TMEM132C: variants seen among roughly 807,000 people sequenced by gnomAD.
TMEM132C encodes the protein protein phosphatase 1, regulatory subunit 152.
In TMEM132C, 29 loss-of-function variants were observed where a neutral mutation model predicts 61.4. That is an observed-to-expected ratio of 0.47 (90% CI 0.35 to 0.64). The LOEUF (loss-of-function observed/expected upper bound fraction) is 0.64. Among genes scored for constraint, TMEM132C ranks in the 30% least tolerant of loss-of-function variants. The pLI is 0.00. For missense variants in TMEM132C, 1,408 were observed against 1,476.9 expected (o/e 0.95, Z 0.76); for synonymous variants, 656 against 633.1 (o/e 1.04, Z -0.54).
At position 128,441,838 on chromosome 12, in the gene TMEM132C, C is replaced by CA. The variant is rs1028033826; in HGVS notation, c.974+26226dup. ...GCGAAACACATGTCTACTAAAAATA[C>CA]AAAAAAAATAAAAATTAGCCAGGTG... On this transcript the variant is annotated intron_variant, in intron 2 of 8. Transcript: ENST00000435159. 1.4e-4 allele frequency among the ~76,000 whole-genome samples: 22 copies of CA among 151,732 alleles called. No homozygotes were observed. The East Asian group carries it at 1.9e-3, about 13-fold the overall frequency.
intron 1 of TMEM132C, among the ~76,000 whole-genome samples, chr12:128,332,510 A>G (rs1482110081): frequency 2.6e-5 from 4 of 152,236 alleles, no homozygotes; most frequent in African/African-American, 9.6e-5. Flanking sequence ...GTGATAGACC[A>G]TATAATTCTC....
chr12:128,427,628 T>C (rs1258594867), intron 2 of TMEM132C, among the ~76,000 whole-genome samples: 1 of 152,216 alleles, frequency 6.6e-6, no homozygotes, highest in East Asian at 1.9e-4. Context: ...AAGCTCTCGA[T>C]ACTCCATCCA....
At chr12:128,519,554 T>G (rs2136126320) in intron 2 of TMEM132C, among the ~76,000 whole-genome samples, 1 of 152,314 alleles carries the variant, frequency 6.6e-6, no homozygotes, top group South Asian at 2.1e-4. Context: ...TCCTTTAAGG[T>G]CAAGGAAATT....
rs1361863466 is a variant in TMEM132C, at chr12:128,669,445, T to C, written c.1334T>C (p.Leu445Pro). Residue 445 changes from leucine to proline, a missense_variant, in exon 5 of 9, where the codon CTC (leucine) becomes CCC (proline). By Grantham distance (98) the Leu-to-Pro change is moderately conservative. Transcript: ENST00000435159. ...MDTEILNTAVLTGKTVAMPIK... is the reference protein window; with the variant it reads ...MDTEILNTAVPTGKTVAMPIK... ...ACTGAAATTCTGAACACCGCCGTACTCACAGGAAAGACAGTTGCCATGCCT... is the reference window on the plus strand; with the variant it reads ...ACTGAAATTCTGAACACCGCCGTACCCACAGGAAAGACAGTTGCCATGCCT... The C allele has an allele frequency of 6.4e-7, 1 of 1,551,530 alleles. No homozygotes were observed. Among genetic ancestry groups the C allele is most frequent in the African/African-American group, 1.4e-5 (1 of 73,036 alleles).
At chr12:128,513,577 G>A (rs1020839540) in intron 2 of TMEM132C, among the ~76,000 whole-genome samples, 6 of 152,102 alleles carry the variant, frequency 3.9e-5, no homozygotes, top group East Asian at 3.9e-4. Context: ...TGAGATGTGC[G>A]TGAGAGGGAA....
intron 5 of TMEM132C, among the ~76,000 whole-genome samples, chr12:128,691,191 G>C (rs902473221): frequency 2.6e-5 from 4 of 152,226 alleles, no homozygotes; most frequent in Admixed American, 2.6e-4. Context: ...CATTTCTCCA[G>C]CAAGAATTAG....
intron 2 of TMEM132C, among the ~76,000 whole-genome samples, chr12:128,458,356 A>G (rs1041180966): frequency 5.3e-5 from 8 of 150,416 alleles, no homozygotes; most frequent in Non-Finnish European, 1.0e-4. Flanking sequence ...AAACACTGCT[A>G]TAACAGAAAC....
intron 2 of TMEM132C, among the ~76,000 whole-genome samples, chr12:128,530,448 CT>C (rs398056093): frequency 2.9e-3 from 418 of 144,228 alleles, no homozygotes; most frequent in Non-Finnish European, 2.8e-3. Flanking sequence ...ACTTCTTTTT[CT>C]TTTTTTTTTT....
intron 3 of TMEM132C, among the ~76,000 whole-genome samples, chr12:128,586,356 ATAGG>A (rs1875549561): frequency 7.3e-6 from 1 of 136,068 alleles, no homozygotes; most frequent in Non-Finnish European, 1.6e-5. Flanking sequence ...GACTTATAGT[ATAGG>A]CATCTATTAA....
Position 128,524,012 on chromosome 12 carries a change from CAAAAAA to C in TMEM132C, c.975-19925_975-19920del, listed in dbSNP as rs55999607. Among the ~76,000 whole-genome samples the C allele has an allele frequency of 2.2e-3, 297 of 135,166 alleles. 1 individual carries two copies. Among genetic ancestry groups the C allele is most frequent in the Admixed American group, 2.2e-3 (30 of 13,812 alleles). The allele number at this position is 135,166 out of a possible 152,430, so 88.7% of individuals were successfully genotyped here. A position where few individuals can be genotyped will look rare whatever the true frequency, so the allele number is the denominator to read the frequency against. ...TGGGCAACAGAGCAAGACGCCATCT[CAAAAAA>C]AAAAAAAAAAAAAAAAAAAGCTTGA... On this transcript the variant is annotated intron_variant, in intron 2 of 8. Coordinates refer to ENST00000435159, the MANE Select transcript of TMEM132C (RefSeq NM_001136103.3).
At chr12:128,416,546 C>T (rs1281177898) in intron 2 of TMEM132C, among the ~76,000 whole-genome samples, 1 of 152,186 alleles carries the variant, frequency 6.6e-6, no homozygotes, top group Non-Finnish European at 1.5e-5. Context: ...CAGCCCTAAT[C>T]ACATTTTGAA....
At chr12:128,533,190 G>A (rs1873382615) in intron 2 of TMEM132C, among the ~76,000 whole-genome samples, 1 of 152,154 alleles carries the variant, frequency 6.6e-6, no homozygotes, top group African/African-American at 2.4e-5. Flanking sequence ...CAATGCCCAG[G>A]GTAGAGAACA....
chr12:128,567,763 C>T (rs1244160874), intron 3 of TMEM132C, among the ~76,000 whole-genome samples: 2 of 152,184 alleles, frequency 1.3e-5, no homozygotes, highest in Admixed American at 6.5e-5. Flanking sequence ...TCGAGTCCAG[C>T]AGGGCAGAAA....
intron 2 of TMEM132C, among the ~76,000 whole-genome samples, chr12:128,474,244 AGATGCTGCT>A (rs1163562559): frequency 6.6e-6 from 1 of 152,192 alleles, no homozygotes; most frequent in Non-Finnish European, 1.5e-5. Flanking sequence ...CTGGTGATGC[AGATGCTGCT>A]GGTCCAGAGA....
chr12:128,604,443 AG>A (rs199829251), intron 3 of TMEM132C, among the ~76,000 whole-genome samples: 2 of 150,224 alleles, frequency 1.3e-5, no homozygotes, highest in African/African-American at 2.5e-5. Context: ...ATAGATAGAT[AG>A]ATAGATAATA....
intron 3 of TMEM132C, among the ~76,000 whole-genome samples, chr12:128,559,089 A>G (rs1874422964): frequency 6.6e-6 from 1 of 150,412 alleles, no homozygotes; most frequent in Non-Finnish European, 1.5e-5. Flanking sequence ...TATTTCATGC[A>G]TATGCAAACA....
intron 1 of TMEM132C, among the ~76,000 whole-genome samples, chr12:128,331,799 G>A (rs1872671069): frequency 6.6e-6 from 1 of 152,180 alleles, no homozygotes; most frequent in South Asian, 2.1e-4. Context: ...TAGTGGGACT[G>A]CTGGATCCAA....
chr12:128,540,100 C>T (rs1873682835), intron 2 of TMEM132C, among the ~76,000 whole-genome samples: 1 of 152,166 alleles, frequency 6.6e-6, no homozygotes. Context: ...ATCCATCAAC[C>T]ATTCCACCGA....
chr12:128,647,690 TGA>T (rs1954220106), intron 4 of TMEM132C, among the ~76,000 whole-genome samples: 1 of 150,072 alleles, frequency 6.7e-6, no homozygotes, highest in Non-Finnish European at 1.5e-5. Flanking sequence ...GCGTTGGATG[TGA>T]GTGTGTTTGC....
Sources: allele counts gnomAD v4.1 joint callset (sites outside exome capture counted in the v4.1 genomes callset), GRCh38; gene constraint gnomAD v4.1.1; transcripts MANE v1.5; gene names NCBI Gene and HGNC (gene_info 2026-07-23, HGNC 2026-07-21).